RORC: variants seen among roughly 807,000 people sequenced by gnomAD.
The protein encoded by RORC is nuclear receptor ROR-gamma.
Under a neutral mutation model 64.5 loss-of-function variants are expected in RORC, and 13 were observed. The observed-to-expected ratio is 0.20, with a 90% CI of 0.13 to 0.32. RORC has a LOEUF of 0.32. RORC is among the 10% of genes least tolerant of loss of function. The pLI is 1.00. For missense variants in RORC, 468 were observed against 669.5 expected (o/e 0.70, Z 3.32); for synonymous variants, 277 against 259.3 (o/e 1.07, Z -0.65).
In RORC at chr1:151,829,426, C is replaced by T. The variant is rs1262975250; in HGVS notation, c.70+3G>A. On this transcript the variant is annotated splice_donor_region_variant and intron_variant, in intron 2 of 10. Transcript: ENST00000318247. ...ATTTTCTTGCCCCGGACCCCCTACT[C>T]ACAGGTGTGGGTCTTCTTTGCAGCC... The T allele has an allele frequency of 6.5e-7, 1 of 1,536,966 alleles. No individual in the cohort carries two copies. The highest frequency in any genetic ancestry group is 8.7e-7 in the Non-Finnish European group (1 of 1,149,748).
Position 151,806,178 on chromosome 1 carries a change from C to G in RORC, c.*1294G>C, listed in dbSNP as rs1651293693. 1 of 152,232 alleles carries G rather than the reference C, an allele frequency of 6.6e-6. No homozygotes were observed. The highest frequency in any genetic ancestry group is 2.1e-4 in the South Asian group (1 of 4,750). 9.4% of individuals were successfully genotyped at this position (152,232 alleles called of 1,614,324 possible). Reference sequence around the variant, plus strand: ...AATCCCACCCCCAACCCCCCCAACTCCACGACTGCCCATCATTGCTGTTAA... The same window carrying G: ...AATCCCACCCCCAACCCCCCCAACTGCACGACTGCCCATCATTGCTGTTAA... On this transcript the variant is annotated 3_prime_UTR_variant, in exon 11 of 11. Transcript: ENST00000318247.
chr1:151,826,173 G>A, intron 2 of RORC: 1 of 1,104,748 alleles, frequency 9.1e-7, no homozygotes. Flanking sequence ...GCAGTGAGTA[G>A]GATGACAGGC....
chr1:151,813,292 C>A lies in RORC; in HGVS notation c.1121G>T (p.Arg374Leu), dbSNP rs200446012. The A allele has an allele frequency of 1.2e-6, 2 of 1,614,134 alleles. No homozygotes were observed. Among genetic ancestry groups the A allele is most frequent in the South Asian group, 2.2e-5 (2 of 91,078 alleles). The change falls in exon 8 of 11, where the codon CGC (arginine) becomes CTC (leucine). Residue 374 changes from arginine to leucine, a missense_variant. Arg to Leu is a moderately radical substitution (Grantham distance 102). Around this residue, in one of 5 missense-constraint regions of RORC, gnomAD observed 100 missense variants for 190.8 expected, o/e 0.52. Coordinates refer to ENST00000318247, the MANE Select transcript of RORC (RefSeq NM_005060.4). ...GTATTTGCCTTCAAAAAAGACCGTG[C>A]GGTTGTCAGCATTGTAGGCCCGGCA... ...RMCRAYNADN[R>L]TVFFEGKYGG...
At position 151,807,660 on chromosome 1, in the gene RORC, G is replaced by A. The variant is rs752654459; in HGVS notation, c.1396-27C>T. On this transcript the variant is annotated intron_variant, in intron 10 of 10. Coordinates refer to ENST00000318247, the MANE Select transcript of RORC (RefSeq NM_005060.4). This position sits in a 1 kb window ranked among gnomAD's most constrained non-coding sequence, Gnocchi z 5.0. ...TGGATATGGGTTAATGGGGAAGGGAGGGTCAATACTTCAGCTCTCCTCAGA... is the reference window on the plus strand; with the variant it reads ...TGGATATGGGTTAATGGGGAAGGGAAGGTCAATACTTCAGCTCTCCTCAGA... 11 of 1,612,084 alleles carry A rather than the reference G, an allele frequency of 6.8e-6. No individual in the cohort carries two copies. The African/African-American group carries it at 1.5e-4, about 22-fold the overall frequency.
chr1:151,825,366 T>C (rs1263245582), intron 2 of RORC, among the ~76,000 whole-genome samples: 1 of 152,162 alleles, frequency 6.6e-6, no homozygotes. Context: ...TGTCCCTGGA[T>C]TGGGCAGAAA....
Position 151,830,901 on chromosome 1 carries a change from T to A in RORC, c.40+824A>T. 7.8e-7 allele frequency: 1 copy of A among 1,278,474 alleles called. No homozygotes were observed. The highest frequency in any genetic ancestry group is 1.0e-6 in the Non-Finnish European group (1 of 981,580). 79.2% of individuals were successfully genotyped at this position (1,278,474 alleles called of 1,614,324 possible). A position where few individuals can be genotyped will look rare whatever the true frequency, so the allele number is the denominator to read the frequency against. On this transcript the variant is annotated intron_variant, in intron 1 of 10. Transcript: ENST00000318247. This position sits in a 1 kb window ranked among gnomAD's most constrained non-coding sequence, Gnocchi z 4.0. Reference sequence around the variant, plus strand: ...CTAGCCTTGCACCTCAGAGCAGTCCTGTGGTGGGGGTGCTCCCCTTGCTCA... The same window carrying A: ...CTAGCCTTGCACCTCAGAGCAGTCCAGTGGTGGGGGTGCTCCCCTTGCTCA...
intron 4 of RORC, among the ~76,000 whole-genome samples, chr1:151,816,186 A>G (rs1316316659): frequency 6.6e-6 from 1 of 152,150 alleles, no homozygotes; most frequent in East Asian, 1.9e-4. Context: ...TGGATAAGGC[A>G]CCAGGAACAC....
rs1652386228 is a variant in RORC at position 151,830,875 on chromosome 1, T to C, written c.40+850A>G. The C allele has an allele frequency of 8.3e-7, 1 of 1,203,432 alleles. No individual in the cohort carries two copies. Among genetic ancestry groups the C allele is most frequent in the Non-Finnish European group, 1.1e-6 (1 of 928,548 alleles). 74.5% of individuals were successfully genotyped at this position (1,203,432 alleles called of 1,614,324 possible). On this transcript the variant is annotated intron_variant, in intron 1 of 10. Coordinates refer to ENST00000318247, the MANE Select transcript of RORC (RefSeq NM_005060.4). The surrounding 1 kb of genome is among the most constrained non-coding windows in gnomAD (Gnocchi z 4.0). ...CCTGACGTGGCACCGGCTCCTGGCC[T>C]CTAGCCTTGCACCTCAGAGCAGTCC...
At chr1:151,827,996 C>T (rs1313712088) in intron 2 of RORC, among the ~76,000 whole-genome samples, 2 of 151,572 alleles carry the variant, frequency 1.3e-5, no homozygotes, top group Non-Finnish European at 2.9e-5. Context: ...GACCCGCTTT[C>T]CTCCCGGGGC....
At chr1:151,817,015 G>A (rs922985160) in intron 3 of RORC, among the ~76,000 whole-genome samples, 180 bp downstream of exon 3, 1 of 152,162 alleles carries the variant, frequency 6.6e-6, no homozygotes, top group Admixed American at 6.5e-5. Flanking sequence ...GGGCCCTGCA[G>A]GAAGGCGCTA....
At position 151,830,726 on chromosome 1, in the gene RORC, G is replaced by A. The variant is rs1298071630; in HGVS notation, c.40+999C>T. The stretch of plus-strand genomic sequence containing the variant: ...CGTGGTCACTAGGCTGTGTGGAGGC[G>A]AGTGGCCTGATGGCCTGGGCTCTGC... On this transcript the variant is annotated intron_variant, in intron 1 of 10. Coordinates refer to ENST00000318247, the MANE Select transcript of RORC (RefSeq NM_005060.4). The surrounding 1 kb of genome is among the most constrained non-coding windows in gnomAD (Gnocchi z 4.0). Among the ~76,000 whole-genome samples, 1 of 151,716 alleles carries A rather than the reference G, an allele frequency of 6.6e-6. No homozygotes were observed. The highest frequency in any genetic ancestry group is 1.5e-5 in the Non-Finnish European group (1 of 67,984).
At chr1:151,814,309 G>C (rs1479675206) in intron 6 of RORC, 1 of 398,000 alleles carries the variant, frequency 2.5e-6, no homozygotes, top group Non-Finnish European at 4.6e-6. Context: ...GGTGCACCAA[G>C]GTCTGCATGG....
rs187005517 is a variant in RORC at position 151,815,102 on chromosome 1, G to T, written c.622C>A (p.Arg208=). 104 of 1,614,146 alleles carry T rather than the reference G, an allele frequency of 6.4e-5. No homozygotes were observed. Among genetic ancestry groups the T allele is most frequent in the Admixed American group, 1.0e-4 (6 of 60,024 alleles). ...ASCHLEYSPE[R]GKAEGRESFY... is the part of the protein sequence containing the mutation. ...CTCTCTCTGCCCTCAGCCTTGCCCCGCTCAGGGCTGTATTCAAGGTGGCAT... is the reference window on the plus strand; with the variant it reads ...CTCTCTCTGCCCTCAGCCTTGCCCCTCTCAGGGCTGTATTCAAGGTGGCAT... The change falls in exon 5 of 11, where the codon CGG becomes AGG. Residue 208 remains arginine (R), a synonymous_variant. Transcript: ENST00000318247.
chr1:151,810,033 T>C (rs1219659985), intron 10 of RORC, among the ~76,000 whole-genome samples: 1 of 152,140 alleles, frequency 6.6e-6, no homozygotes, highest in Non-Finnish European at 1.5e-5. Flanking sequence ...AGCTCCTGAT[T>C]TTACACTTTA....
At chr1:151,819,523 TG>T (rs1347743551) in intron 2 of RORC, among the ~76,000 whole-genome samples, 1 of 152,082 alleles carries the variant, frequency 6.6e-6, no homozygotes, top group Non-Finnish European at 1.5e-5. Flanking sequence ...AGACCAGAGA[TG>T]GGAGAAACCA....
intron 2 of RORC, among the ~76,000 whole-genome samples, chr1:151,823,928 G>A (rs1460835526): frequency 1.3e-5 from 2 of 152,208 alleles, no homozygotes; most frequent in Admixed American, 6.5e-5. Flanking sequence ...ACCACGCCCG[G>A]CTGCACCTCC....
rs775575058 is a variant in RORC at position 151,813,200 on chromosome 1, G to T, written c.1174+39C>A. On this transcript the variant is annotated intron_variant, in intron 8 of 10. Transcript: ENST00000318247. ...GGTCACAAAGCTTTGCCTGGGGTTG[G>T]CATCAGAATCTTCCCTCTCATTTCT... The T allele has an allele frequency of 3.2e-6, 5 of 1,573,436 alleles. No homozygotes were observed. In the South Asian group the frequency reaches 4.4e-5, roughly 14 times the overall value.
At position 151,815,281 on chromosome 1, in the gene RORC, G is replaced by A. The variant is rs1269659174; in HGVS notation, c.443C>T (p.Thr148Ile). 1.2e-6 allele frequency: 2 copies of A among 1,610,736 alleles called. No individual in the cohort carries two copies. Among genetic ancestry groups the A allele is most frequent in the Non-Finnish European group, 1.7e-6 (2 of 1,177,866 alleles). Reference protein sequence around the residue: ...PAGAQGADTLTYTLGLPDGQL... With the variant: ...PAGAQGADTLIYTLGLPDGQL... Reference sequence around the variant, plus strand: ...CCCGTCTGGGAGCCCCAAGGTGTAGGTGAGGGTATCTGCTCCTTGGGCCCC... The same window carrying A: ...CCCGTCTGGGAGCCCCAAGGTGTAGATGAGGGTATCTGCTCCTTGGGCCCC... The change falls in exon 5 of 11, where the codon ACC becomes ATC. Residue 148 changes from threonine (T) to isoleucine (I), a missense_variant. By Grantham distance (89) the Thr-to-Ile change is moderately conservative (BLOSUM62 -1). Transcript: ENST00000318247.
chr1:151,827,682 C>A (rs756622973), intron 2 of RORC, among the ~76,000 whole-genome samples: 2 of 152,214 alleles, frequency 1.3e-5, no homozygotes, highest in African/African-American at 2.4e-5. Context: ...CCCTCTCATC[C>A]AGGCACAGGC....
Sources: gnomAD v4.1 joint callset for allele counts (sites outside exome capture counted in the v4.1 genomes callset) on GRCh38, gnomAD v4.1.1 for gene constraint, gnomAD v4.1.1 regional missense constraint, Gnocchi (gnomAD v3.1) non-coding constraint, MANE v1.5 for transcripts, NCBI Gene and HGNC (gene_info 2026-07-23, HGNC 2026-07-21) for gene names.